The following ACTN1 variants were observed in gnomAD, a reference collection of about 807,000 sequenced individuals.
The protein encoded by ACTN1 is alpha-actinin-1.
In ACTN1, 30 loss-of-function variants were observed where a neutral mutation model predicts 119.6. The observed-to-expected ratio is 0.25, with a 90% CI of 0.19 to 0.34. ACTN1 has a LOEUF of 0.34. Ranked by LOEUF, ACTN1 falls within the 10% of genes least tolerant of loss-of-function variation. The pLI is 1.00. For synonymous variants in ACTN1, 429 were observed against 472.6 expected (o/e 0.91, Z 1.20); for missense variants, 764 against 1,223.4 (o/e 0.62, Z 5.60).
At position 68,879,040 on chromosome 14, in the gene ACTN1, C is replaced by G; in HGVS notation, c.2310G>C (p.Glu770Asp). ...CCAAGCTGATGAGGCAGGCTTTGAA[C>G]TCCTCGGGACCCAGTGTGCCGGAGT... ...RDHSGTLGPE[E>D]FKACLISLGY... The change falls in exon 19 of 22, where the codon GAG (glutamate) becomes GAC (aspartate). Residue 770 changes from glutamate (E) to aspartate (D), a missense_variant. Glu to Asp is a conservative substitution (Grantham distance 45, BLOSUM62 2). Transcript: ENST00000394419. The surrounding 1 kb of genome is among the most constrained non-coding windows in gnomAD (Gnocchi z 4.9). The G allele has an allele frequency of 6.2e-7, 1 of 1,612,958 alleles. No individual in the cohort carries two copies.
At position 68,882,996 on chromosome 14, in the gene ACTN1, G is replaced by A. The variant is rs1271825122; in HGVS notation, c.1695C>T (p.Arg565=). The change falls in exon 15 of 22, where the codon CGC becomes CGT. Residue 565 remains arginine, a synonymous_variant. Coordinates refer to ENST00000394419, the MANE Select transcript of ACTN1 (RefSeq NM_001130004.2). The surrounding 1 kb of genome is among the most constrained non-coding windows in gnomAD (Gnocchi z 4.5). ...CATTGTGGATGCCCAGGATGGCCAGGCGCTCCTTGTCGGCATCAGGGAGGG... is the reference window on the plus strand; with the variant it reads ...CATTGTGGATGCCCAGGATGGCCAGACGCTCCTTGTCGGCATCAGGGAGGG... ...KATLPDADKE[R]LAILGIHNEV... The A allele has an allele frequency of 6.2e-6, 10 of 1,614,132 alleles. No individual in the cohort carries two copies. Among genetic ancestry groups the A allele is most frequent in the Middle Eastern group, 1.6e-4 (1 of 6,084 alleles).
intron 6 of ACTN1, among the ~76,000 whole-genome samples, chr14:68,908,547 G>A (rs540107008): frequency 6.6e-6 from 1 of 152,320 alleles, no homozygotes; most frequent in South Asian, 2.1e-4. Context: ...CTTGGGGCGT[G>A]GGAAGGGTCT....
rs530015269 is a variant in ACTN1 at position 68,977,804 on chromosome 14, C to CCCG, written c.105+1147_105+1148insCGG. 4.5e-3 allele frequency: 1,664 copies of CCCG among 367,490 alleles called. 17 individuals carry two copies. Among genetic ancestry groups the CCCG allele is most frequent in the Middle Eastern group, 6.3e-3 (7 of 1,104 alleles). The allele number at this position is 367,490 out of a possible 1,614,324, so 22.8% of individuals were successfully genotyped here. ...CCAAAGGGACGCGCCATCCTGTCCC[C>CCCG]CCCCCACCCAAAACCCCATTCCCAG... On this transcript the variant is annotated intron_variant, in intron 1 of 21. Coordinates refer to ENST00000394419, the MANE Select transcript of ACTN1 (RefSeq NM_001130004.2).
chr14:68,921,672 T>G (rs1006222122), intron 2 of ACTN1, among the ~76,000 whole-genome samples: 2 of 152,178 alleles, frequency 1.3e-5, no homozygotes, highest in African/African-American at 2.4e-5. Context: ...GAACAGTACA[T>G]GCAAAGGCCC....
Position 68,912,165 on chromosome 14 carries a change from A to T in ACTN1, c.418T>A (p.Ser140Thr). ...IILRFAIQDI[S>T]VEETSAKEGL... ...CAAAGCAGAAACCCACCTTCCACGG[A>T]GATGTCCTGGATGGCAAAGCGCAGG... Residue 140 changes from serine to threonine, a missense_variant, in exon 4 of 22, where the codon TCC becomes ACC. Physicochemically the swap from Ser to Thr is moderately conservative, Grantham distance 58. This residue lies in a region of ACTN1 where 54 missense variants were observed against 153.2 expected (regional missense o/e 0.35). Transcript: ENST00000394419. 1.2e-6 allele frequency: 2 copies of T among 1,614,082 alleles called. No homozygotes were observed. The highest frequency in any genetic ancestry group is 1.7e-6 in the Non-Finnish European group (2 of 1,179,980).
intron 1 of ACTN1, among the ~76,000 whole-genome samples, chr14:68,963,098 G>T (rs2036591337): frequency 6.6e-6 from 1 of 151,722 alleles, no homozygotes; most frequent in Non-Finnish European, 1.5e-5. Flanking sequence ...TACACCCTTT[G>T]CAGGCCCACC....
Position 68,879,025 on chromosome 14 carries a change from G to T in ACTN1, c.2325C>A (p.Leu775=). ...TLGPEEFKAC[L]ISLGYDIGND... is the part of the protein sequence containing the mutation. ...TGCCAATATCATAACCCAAGCTGATGAGGCAGGCTTTGAACTCCTCGGGAC... is the reference window on the plus strand; with the variant it reads ...TGCCAATATCATAACCCAAGCTGATTAGGCAGGCTTTGAACTCCTCGGGAC... Residue 775 remains leucine, a synonymous_variant, in exon 19 of 22, where the codon CTC becomes CTA. Transcript: ENST00000394419. This position sits in a 1 kb window ranked among gnomAD's most constrained non-coding sequence, Gnocchi z 4.9. The T allele has an allele frequency of 6.2e-7, 1 of 1,613,394 alleles. No individual in the cohort carries two copies.
intron 3 of ACTN1, among the ~76,000 whole-genome samples, chr14:68,918,957 C>G (rs548891091): frequency 2.0e-5 from 3 of 152,178 alleles, no homozygotes; most frequent in Non-Finnish European, 4.4e-5. Context: ...TAAAACGTGG[C>G]TGGTGATACC....
At chr14:68,949,792 G>GAC (rs1481253720) in intron 1 of ACTN1, among the ~76,000 whole-genome samples, 1 of 152,162 alleles carries the variant, frequency 6.6e-6, no homozygotes, top group Non-Finnish European at 1.5e-5. Context: ...AGGAAATTCT[G>GAC]ACACATGCTG....
chr14:68,978,687 G>T, intron 1 of ACTN1: 1 of 323,618 alleles, frequency 3.1e-6, no homozygotes, highest in South Asian at 6.8e-5. Context: ...CCTGGACCAC[G>T]GACCCCCAAG....
intron 1 of ACTN1, among the ~76,000 whole-genome samples, chr14:68,958,668 A>T (rs898749697): frequency 8.5e-5 from 13 of 152,228 alleles, no homozygotes; most frequent in African/African-American, 3.1e-4. Context: ...AAACATCCAC[A>T]TGAAAGGAAT....
intron 1 of ACTN1, among the ~76,000 whole-genome samples, chr14:68,955,811 T>G (rs2036335012): frequency 6.6e-6 from 1 of 152,214 alleles, no homozygotes; most frequent in Non-Finnish European, 1.5e-5. Context: ...GTGCTCCAAA[T>G]CCAAAAGCAG....
intron 1 of ACTN1, among the ~76,000 whole-genome samples, chr14:68,940,086 G>A (rs1311879436): frequency 1.3e-5 from 2 of 152,156 alleles, no homozygotes; most frequent in African/African-American, 2.4e-5. Flanking sequence ...CCTCCTCCCC[G>A]GTCCTCCGGG....
At chr14:68,950,379 G>C (rs1285418633) in intron 1 of ACTN1, among the ~76,000 whole-genome samples, 1 of 150,212 alleles carries the variant, frequency 6.7e-6, no homozygotes, top group African/African-American at 2.5e-5. Flanking sequence ...ACTTAATGCT[G>C]CTGAACTGTA....
intron 2 of ACTN1, among the ~76,000 whole-genome samples, chr14:68,923,069 G>T (rs1322976412): frequency 6.6e-6 from 1 of 152,182 alleles, no homozygotes; most frequent in East Asian, 1.9e-4. Flanking sequence ...CAGGTCCCCT[G>T]GGCACACGTC....
intron 6 of ACTN1, among the ~76,000 whole-genome samples, chr14:68,908,785 C>T (rs2033821546): frequency 6.6e-6 from 1 of 152,226 alleles, no homozygotes; most frequent in African/African-American, 2.4e-5. Flanking sequence ...CCACTCCACA[C>T]ACCCACTCAA....
intron 1 of ACTN1, chr14:68,977,804 C>CCA (rs1555361564): frequency 2.7e-6 from 1 of 367,372 alleles, no homozygotes; most frequent in Non-Finnish European, 5.5e-6. Context: ...ATCCTGTCCC[C>CCA]CCCCCACCCA....
At chr14:68,896,088 CAA>C (rs1343319981) in intron 8 of ACTN1, among the ~76,000 whole-genome samples, 1 of 152,194 alleles carries the variant, frequency 6.6e-6, no homozygotes, top group Non-Finnish European at 1.5e-5. Flanking sequence ...ACGGGAGACA[CAA>C]GAGTGCTTTC....
chr14:68,907,314 A>G (rs1257574299), intron 6 of ACTN1, among the ~76,000 whole-genome samples: 1 of 148,396 alleles, frequency 6.7e-6, no homozygotes, highest in Non-Finnish European at 1.5e-5. Context: ...CTGTAATCCC[A>G]GCACTTTGGG....
Sources: allele counts gnomAD v4.1 joint callset (sites outside exome capture counted in the v4.1 genomes callset), GRCh38; gene constraint gnomAD v4.1.1; regional missense constraint gnomAD v4.1.1; non-coding constraint Gnocchi (gnomAD v3.1); transcripts MANE v1.5; gene names NCBI Gene and HGNC (gene_info 2026-07-23, HGNC 2026-07-21).